Variants in SPTA1 observed in about 807,000 individuals in gnomAD.
The protein encoded by SPTA1 is spectrin alpha, erythrocytic 1.
Under a neutral mutation model 324.7 loss-of-function variants are expected in SPTA1, and 177 were observed. That is an observed-to-expected ratio of 0.55 (90% CI 0.48 to 0.62). The LOEUF (loss-of-function observed/expected upper bound fraction) is 0.62, where lower values mean the gene tolerates loss of function less well. SPTA1 is among the 20% of genes least tolerant of loss of function. The pLI is 0.00. For missense variants in SPTA1, 3,162 were observed against 2,883.6 expected (o/e 1.10, Z -2.21); for synonymous variants, 1,195 against 1,041.3 (o/e 1.15, Z -2.84).
intron 36 of SPTA1, 30 bp from the exon 37 acceptor site, chr1:158,636,791 G>T (rs770836673): frequency 1.2e-6 from 2 of 1,613,272 alleles, no homozygotes; most frequent in Admixed American, 1.7e-5. Flanking sequence ...CAGAAAGTTT[G>T]GAGTCTAGAC....
intron 33 of SPTA1, among the ~76,000 whole-genome samples, chr1:158,641,783 C>T (rs551257854): frequency 6.6e-5 from 10 of 152,262 alleles, no homozygotes; most frequent in African/African-American, 2.2e-4. Context: ...CTAGAAACAC[C>T]ATTTGACCCA....
chr1:158,664,248 A>G (rs527316220), intron 16 of SPTA1, among the ~76,000 whole-genome samples: 44 of 152,332 alleles, frequency 2.9e-4, no homozygotes, highest in African/African-American at 1.0e-3. Context: ...CTGTAGCAGT[A>G]TTTACAATAG....
At chr1:158,647,832 C>A in intron 26 of SPTA1, 112 bp from the exon 27 acceptor site, 1 of 1,132,178 alleles carries the variant, frequency 8.8e-7, no homozygotes, top group Non-Finnish European at 1.3e-6. Flanking sequence ...CAGTGATGTA[C>A]AAGTATGTCA....
In SPTA1 at chr1:158,659,595, A is replaced by ATTTTTTTTTTTTTTTTTTTT. The variant is rs1177353050; in HGVS notation, c.2587+1672_2587+1691dup. On this transcript the variant is annotated intron_variant, in intron 18 of 51. Transcript: ENST00000643759. ...AAAAGAAAATAATAGTCTTAGCATTATTTTTTTTTTTTTTTTTTTTTTTTT... is the reference window on the plus strand; with the variant it reads ...AAAAGAAAATAATAGTCTTAGCATTATTTTTTTTTTTTTTTTTTTTTTTTTTTTTTTTTTTTTTTTTTTTT... 2.0e-4 allele frequency among the ~76,000 whole-genome samples: 14 copies of ATTTTTTTTTTTTTTTTTTTT among 68,776 alleles called. 3 individuals carry two copies. The highest frequency in any genetic ancestry group is 8.9e-4 in the East Asian group (2 of 2,246). 45.1% of individuals were successfully genotyped at this position (68,776 alleles called of 152,430 possible).
At chr1:158,618,765 T>C (rs570428183) in intron 45 of SPTA1, among the ~76,000 whole-genome samples, 1 of 152,296 alleles carries the variant, frequency 6.6e-6, no homozygotes, top group African/African-American at 2.4e-5. Flanking sequence ...TAAATATATA[T>C]GTGACCTTGA....
Position 158,613,825 on chromosome 1 carries a change from C to A in SPTA1, c.6885G>T (p.Glu2295Asp). 6.2e-7 allele frequency: 1 copy of A among 1,613,886 alleles called. No homozygotes were observed. Among genetic ancestry groups the A allele is most frequent in the Non-Finnish European group, 8.5e-7 (1 of 1,179,924 alleles). ...TGAGTCCTCTCAGGCAGGACCGGAA[C>A]TCTTTGTGAGTCAGGCGCCCTGTCA... ...ENLTGRLTHK[E>D]FRSCLRGLNY... Residue 2295 changes from glutamate (E) to aspartate (D), a missense_variant, in exon 50 of 52, where the codon GAG becomes GAT. Glu to Asp is a conservative substitution (Grantham distance 45). Transcript: ENST00000643759.
chr1:158,643,064 A>T, intron 31 of SPTA1, 88 bp from the exon 32 acceptor site: 6 of 1,554,266 alleles, frequency 3.9e-6, no homozygotes, highest in Non-Finnish European at 5.3e-6. Context: ...ATTTGCCAAC[A>T]TGCCTCTTTT....
chr1:158,635,916 G>C lies in SPTA1; in HGVS notation c.5429C>G (p.Ala1810Gly). Residue 1810 changes from alanine to glycine, a missense_variant, in exon 38 of 52, where the codon GCC becomes GGC. Transcript: ENST00000643759. ...HWEKLKELAK[A>G]RGLKLEESLE... ...GGGCCTTCTGTATCCCACTCACCGG[G>C]CCTTGGCCAACTCTTTGAGCTTCTC... The C allele has an allele frequency of 6.2e-7, 1 of 1,614,116 alleles. No homozygotes were observed. The highest frequency in any genetic ancestry group is 8.5e-7 in the Non-Finnish European group (1 of 1,180,020).
chr1:158,681,489 T>G, intron 4 of SPTA1, 38 bp downstream of exon 4: 1 of 1,612,956 alleles, frequency 6.2e-7, no homozygotes, highest in Non-Finnish European at 8.5e-7. Flanking sequence ...GACAGAGGAG[T>G]GGGAGGCCCT....
At position 158,669,576 on chromosome 1, in the gene SPTA1, T is replaced by C; in HGVS notation, c.1678-13A>G. ...GCCGGGCTAACAGCTGCAAAAACCA[T>C]GAGTAAACTTACTGTCAGCACAACC... On this transcript the variant is annotated splice_polypyrimidine_tract_variant and intron_variant, in intron 13 of 51. Coordinates refer to ENST00000643759, the MANE Select transcript of SPTA1 (RefSeq NM_003126.4). 1 of 1,614,108 alleles carries C rather than the reference T, an allele frequency of 6.2e-7. No individual in the cohort carries two copies. Among genetic ancestry groups the C allele is most frequent in the Non-Finnish European group, 8.5e-7 (1 of 1,180,002 alleles).
At position 158,642,711 on chromosome 1, in the gene SPTA1, G is replaced by A. The variant is rs554497958; in HGVS notation, c.4605+103C>T. ...TCTGAAGTCTCTGAGAGCAGGCATG[G>A]TAGCCTCAACAGTCAGAAAGTGTTA... On this transcript the variant is annotated intron_variant, in intron 32 of 51. Coordinates refer to ENST00000643759, the MANE Select transcript of SPTA1 (RefSeq NM_003126.4). 43 of 1,593,578 alleles carry A rather than the reference G, an allele frequency of 2.7e-5. 1 individual carries two copies. In the South Asian group the frequency reaches 4.3e-4, roughly 16 times the overall value.
At chr1:158,630,146 A>G (rs1650576114) in intron 39 of SPTA1, among the ~76,000 whole-genome samples, 1 of 152,050 alleles carries the variant, frequency 6.6e-6, no homozygotes, top group South Asian at 2.1e-4. Flanking sequence ...TAGAAAAATC[A>G]ATTCTAAAAT....
chr1:158,610,982 CAAATAA>C lies in SPTA1; in HGVS notation c.*276_*281del. The C allele has an allele frequency of 2.8e-6, 1 of 353,914 alleles. No individual in the cohort carries two copies. The highest frequency in any genetic ancestry group is 3.4e-5 in the South Asian group (1 of 29,832). The allele number at this position is 353,914 out of a possible 1,614,324, so 21.9% of individuals were successfully genotyped here. ...AATGATAAAGACGTGCAAAACAGAA[CAAATAA>C]AAATAGAAACTTTGACACCCCTCAG... On this transcript the variant is annotated 3_prime_UTR_variant, in exon 52 of 52. Coordinates refer to ENST00000643759, the MANE Select transcript of SPTA1 (RefSeq NM_003126.4).
At chr1:158,624,588 G>T (rs1160697388) in intron 42 of SPTA1, among the ~76,000 whole-genome samples, 1 of 152,152 alleles carries the variant, frequency 6.6e-6, no homozygotes, top group South Asian at 2.1e-4. Context: ...TTGTATTTAG[G>T]AAGTAACTAA....
intron 30 of SPTA1, 114 bp from the exon 31 acceptor site, chr1:158,643,539 C>T (rs1651772776): frequency 3.9e-6 from 4 of 1,026,628 alleles, no homozygotes; most frequent in Admixed American, 2.0e-5. Flanking sequence ...AGAAGATATA[C>T]TCAGGGTCAA....
At position 158,686,573 on chromosome 1, in the gene SPTA1, G is replaced by GAGAGAGAC. The variant is rs1456305379; in HGVS notation, c.-57_-56insGTCTCTCT. On this transcript the variant is annotated 5_prime_UTR_variant, in exon 1 of 52. The change abolishes the stop of an existing upstream ORF in the 5' untranslated region. Coordinates refer to ENST00000643759, the MANE Select transcript of SPTA1 (RefSeq NM_003126.4). ...AAAATGTGTCAGAGAGAGAGAGAGA[G>GAGAGAGAC]AGAAATAATTCAAATGGAACTGTCC... is the stretch of plus-strand genomic sequence containing the variant. The GAGAGAGAC allele has an allele frequency of 2.1e-6, 3 of 1,414,390 alleles. No homozygotes were observed. 87.6% of individuals were successfully genotyped at this position (1,414,390 alleles called of 1,614,324 possible).
intron 27 of SPTA1, 99 bp from the exon 28 acceptor site, chr1:158,645,693 A>G (rs1651947867): frequency 7.6e-7 from 1 of 1,318,144 alleles, no homozygotes; most frequent in South Asian, 1.2e-5. Context: ...ACATTTCCAG[A>G]ATAACATTTT....
chr1:158,633,696 A>G (rs551533865), intron 39 of SPTA1, among the ~76,000 whole-genome samples: 5 of 151,780 alleles, frequency 3.3e-5, no homozygotes. Context: ...AAAAAGAAAA[A>G]GTTCTGTTGT....
At chr1:158,634,912 A>G (rs1650954020) in intron 38 of SPTA1, among the ~76,000 whole-genome samples, 1 of 152,190 alleles carries the variant, frequency 6.6e-6, no homozygotes, top group Admixed American at 6.5e-5. Flanking sequence ...TACTGTCTTA[A>G]GAAACTTTGC....
Sources: allele counts gnomAD v4.1 joint callset (sites outside exome capture counted in the v4.1 genomes callset), GRCh38; gene constraint gnomAD v4.1.1; transcripts MANE v1.5; gene names NCBI Gene and HGNC (gene_info 2026-07-23, HGNC 2026-07-21).